The following AGMO variants were observed in gnomAD, a reference collection of about 807,000 sequenced individuals.
AGMO encodes glyceryl-ether monooxygenase.
Under a neutral mutation model 60.2 loss-of-function variants are expected in AGMO, and 75 were observed. That is an observed-to-expected ratio of 1.25 (90% CI 1.03 to 1.51). The LOEUF (loss-of-function observed/expected upper bound fraction) is 1.51, where lower values mean the gene tolerates loss of function less well. Among genes scored for constraint, AGMO ranks in the 40% most tolerant of loss-of-function variants. The pLI, the probability that AGMO is intolerant of heterozygous loss-of-function variation, is 0.00. For synonymous variants in AGMO, 261 were observed against 177.1 expected, an observed-to-expected ratio of 1.47 and a Z score of -3.76; for missense variants, 763 against 525.5, an observed-to-expected ratio of 1.45 and a Z score of -4.42.
chr7:15,126,820 G>C, the AGMO span, among the ~76,000 whole-genome samples: 4 of 151,950 alleles, frequency 2.6e-5, no homozygotes, highest in African/African-American at 9.7e-5. Flanking sequence ...TTCCTTTTCA[G>C]ATCCAAGGAA....
chr7:15,221,857 T>C (rs543751121), intron 12 of AGMO, among the ~76,000 whole-genome samples: 13 of 152,322 alleles, frequency 8.5e-5, no homozygotes, highest in Non-Finnish European at 1.8e-4. Flanking sequence ...AATTGTTAGA[T>C]ATATGTTGTG....
chr7:15,145,359 T>A, the AGMO span, among the ~76,000 whole-genome samples: 1 of 152,140 alleles, frequency 6.6e-6, no homozygotes, highest in South Asian at 2.1e-4. Flanking sequence ...TAAAGATATT[T>A]AAAATAAATG....
chr7:15,266,210 T>C (rs1783427572), intron 12 of AGMO, among the ~76,000 whole-genome samples: 1 of 152,060 alleles, frequency 6.6e-6, no homozygotes, highest in Non-Finnish European at 1.5e-5. Context: ...TATTGTTTAA[T>C]AGGTATTGTT....
At chr7:15,276,656 C>T (rs1583354314) in intron 12 of AGMO, among the ~76,000 whole-genome samples, 1 of 152,162 alleles carries the variant, frequency 6.6e-6, no homozygotes, top group East Asian at 1.9e-4. Flanking sequence ...TTTTCCTTCT[C>T]CCTTCAGAAA....
chr7:15,453,698 G>A (rs1781915141), intron 3 of AGMO, among the ~76,000 whole-genome samples: 1 of 152,032 alleles, frequency 6.6e-6, no homozygotes, highest in Admixed American at 6.6e-5. Flanking sequence ...CACTCCTGCA[G>A]GCTTAGAGCT....
At chr7:15,281,507 A>G (rs1241499789) in intron 12 of AGMO, among the ~76,000 whole-genome samples, 1 of 152,150 alleles carries the variant, frequency 6.6e-6, no homozygotes, top group Admixed American at 6.5e-5. Flanking sequence ...TCTGATGAAT[A>G]GCCAGAACAT....
chr7:15,264,378 T>C (rs1447801563), intron 12 of AGMO, among the ~76,000 whole-genome samples: 1 of 151,940 alleles, frequency 6.6e-6, no homozygotes, highest in Non-Finnish European at 1.5e-5. Context: ...TGGACAACCC[T>C]AGACCCAAAA....
intron 5 of AGMO, among the ~76,000 whole-genome samples, chr7:15,395,603 G>GA (rs1363702804): frequency 4.6e-5 from 7 of 152,086 alleles, no homozygotes; most frequent in African/African-American, 1.4e-4. Flanking sequence ...TTTTGGCAAT[G>GA]AAAAAACAAA....
rs949788339 is a variant in AGMO at position 15,561,876 on chromosome 7, A to G, written c.-31T>C. On this transcript the variant is annotated 5_prime_UTR_variant, in exon 1 of 13. Transcript: ENST00000342526. ...CCCTTGTCTGATTCCCAGCTGGAGAATATTTAGGATTCAATGCTTGAAGCC... is the reference window on the plus strand; with the variant it reads ...CCCTTGTCTGATTCCCAGCTGGAGAGTATTTAGGATTCAATGCTTGAAGCC... The G allele has an allele frequency of 1.9e-6, 3 of 1,574,186 alleles. No homozygotes were observed. In the African/African-American group the frequency reaches 4.1e-5, roughly 22 times the overall value.
At position 15,555,288 on chromosome 7, in the gene AGMO, TATATACACACAC is replaced by T. The variant is rs1562571207; in HGVS notation, c.257+4841_257+4852del. On this transcript the variant is annotated intron_variant, in intron 2 of 12. Coordinates refer to ENST00000342526, the MANE Select transcript of AGMO (RefSeq NM_001004320.2). Reference sequence around the variant, plus strand: ...ATTGGATCATATATATATATATATATATATACACACACACACACACACACACACACACACACA... The same window carrying T: ...ATTGGATCATATATATATATATATATACACACACACACACACACACACACA... Among the ~76,000 whole-genome samples, 9 of 100,002 alleles carry T rather than the reference TATATACACACAC, an allele frequency of 9.0e-5. No individual in the cohort carries two copies. The South Asian group carries it at 1.3e-3, about 15-fold the overall frequency. 65.6% of individuals were successfully genotyped at this position (100,002 alleles called of 152,430 possible). A position where few individuals can be genotyped will look rare whatever the true frequency, so the allele number is the denominator to read the frequency against.
At chr7:15,182,931 G>A in the AGMO span, among the ~76,000 whole-genome samples, 1 of 151,972 alleles carries the variant, frequency 6.6e-6, no homozygotes, top group Non-Finnish European at 1.5e-5. Context: ...AGAGAGAGTG[G>A]AGGGAGGTGC....
intron 2 of AGMO, among the ~76,000 whole-genome samples, chr7:15,553,764 C>T (rs974054550): frequency 6.6e-6 from 1 of 151,946 alleles, no homozygotes; most frequent in South Asian, 2.1e-4. Flanking sequence ...AATTGAAATA[C>T]TTTTCTATTT....
chr7:15,345,056 T>C (rs916131684), intron 12 of AGMO, among the ~76,000 whole-genome samples: 1 of 152,184 alleles, frequency 6.6e-6, no homozygotes, highest in African/African-American at 2.4e-5. Context: ...TATATTTTAA[T>C]AGGTTTTCCT....
At chr7:15,515,130 G>A (rs1321353318) in intron 3 of AGMO, among the ~76,000 whole-genome samples, 1 of 152,186 alleles carries the variant, frequency 6.6e-6, no homozygotes, top group Non-Finnish European at 1.5e-5. Flanking sequence ...TGAAAAGGAA[G>A]CACTATGACT....
the AGMO span, among the ~76,000 whole-genome samples, chr7:15,118,330 C>G: frequency 6.6e-6 from 1 of 151,902 alleles, no homozygotes; most frequent in African/African-American, 2.4e-5. Context: ...ATGAAACATG[C>G]AGAAGGATCT....
chr7:15,524,041 T>C (rs949644749), intron 3 of AGMO, among the ~76,000 whole-genome samples: 10 of 152,076 alleles, frequency 6.6e-5, no homozygotes, highest in African/African-American at 2.4e-4. Context: ...GTAAACTTTC[T>C]GTTTGATATT....
At chr7:15,224,826 G>A (rs184700308) in intron 12 of AGMO, among the ~76,000 whole-genome samples, 2 of 152,014 alleles carry the variant, frequency 1.3e-5, no homozygotes, top group East Asian at 3.9e-4. Context: ...TGGCAGTATA[G>A]GCAACAAGGT....
chr7:15,481,069 T>C (rs1782736214), intron 3 of AGMO, among the ~76,000 whole-genome samples: 1 of 150,072 alleles, frequency 6.7e-6, no homozygotes, highest in African/African-American at 2.4e-5. Context: ...TTTATACATA[T>C]GATATATATG....
intron 9 of AGMO, among the ~76,000 whole-genome samples, chr7:15,387,096 G>A (rs1783947429): frequency 1.3e-5 from 2 of 152,098 alleles, no homozygotes; most frequent in South Asian, 4.1e-4. Context: ...TGTCTGAGCT[G>A]CATGTATTTG....
Sources: allele counts gnomAD v4.1 joint callset (sites outside exome capture counted in the v4.1 genomes callset), GRCh38; gene constraint gnomAD v4.1.1; transcripts MANE v1.5; gene names NCBI Gene and HGNC (gene_info 2026-07-23, HGNC 2026-07-21).